ENTREP2: variants seen among roughly 807,000 people sequenced by gnomAD.
ENTREP2 encodes the protein protein ENTREP2.
chr15:29,383,210 G>A, the ENTREP2 span, among the ~76,000 whole-genome samples: 1 of 152,078 alleles, frequency 6.6e-6, no homozygotes, highest in Admixed American at 6.6e-5. Context: ...GCTTTGCCAT[G>A]GCCACGGCAT....
chr15:29,327,594 C>CAA, the ENTREP2 span, among the ~76,000 whole-genome samples: 1,909 of 92,336 alleles, frequency 0.021, 49 homozygotes, highest in African/African-American at 0.059. Context: ...GACCCCATCT[C>CAA]AAAAAAAAAA....
the ENTREP2 span, among the ~76,000 whole-genome samples, chr15:29,311,729 C>T: frequency 6.6e-6 from 1 of 152,080 alleles, no homozygotes; most frequent in Non-Finnish European, 1.5e-5. Context: ...GGAAGAAAAT[C>T]CACTCAACAT....
At chr15:29,307,303 CT>C in the ENTREP2 span, among the ~76,000 whole-genome samples, 1 of 149,448 alleles carries the variant, frequency 6.7e-6, no homozygotes, top group East Asian at 2.0e-4. Flanking sequence ...AAAAAAAAAC[CT>C]GAAGTCAAAA....
At chr15:29,126,196 T>C in the ENTREP2 span, 6 of 1,219,056 alleles carry the variant, frequency 4.9e-6, no homozygotes, top group Non-Finnish European at 6.7e-6. Context: ...CTCTCAGGGG[T>C]CACTGAGACC....
chr15:29,268,692 G>A, the ENTREP2 span: 3 of 1,246,366 alleles, frequency 2.4e-6, no homozygotes, highest in Non-Finnish European at 3.3e-6. Flanking sequence ...AGCGTTTACA[G>A]CAATATGCTC....
At chr15:29,520,702 G>C in the ENTREP2 span, among the ~76,000 whole-genome samples, 1,776 of 152,264 alleles carry the variant, frequency 0.012, 30 homozygotes, top group African/African-American at 0.041. Context: ...ACTAATAAGT[G>C]AGTTTAGGTT....
At chr15:29,400,700 A>C in the ENTREP2 span, among the ~76,000 whole-genome samples, 3 of 152,246 alleles carry the variant, frequency 2.0e-5, no homozygotes, top group African/African-American at 7.2e-5. Flanking sequence ...CAATTTTAAG[A>C]CATAATAGAA....
chr15:29,361,005 C>T, the ENTREP2 span, among the ~76,000 whole-genome samples: 1 of 152,192 alleles, frequency 6.6e-6, no homozygotes, highest in Non-Finnish European at 1.5e-5. Context: ...TCTCCCAAAA[C>T]TTTCTACAGC....
chr15:29,503,270 GT>G, the ENTREP2 span, among the ~76,000 whole-genome samples: 9 of 152,248 alleles, frequency 5.9e-5, no homozygotes, highest in African/African-American at 2.2e-4. Flanking sequence ...CAAAAAGGAA[GT>G]GCTATTGCAT....
the ENTREP2 span, among the ~76,000 whole-genome samples, chr15:29,525,432 C>T: frequency 6.6e-6 from 1 of 152,198 alleles, no homozygotes. Context: ...TAGATGCTCA[C>T]AAAATAGACG....
chr15:29,207,193 G>A, the ENTREP2 span, among the ~76,000 whole-genome samples: 6 of 151,986 alleles, frequency 3.9e-5, no homozygotes, highest in South Asian at 2.1e-4. Context: ...GGACAAAGCC[G>A]GCCCATTATT....
At chr15:29,600,078 G>A in the ENTREP2 span, among the ~76,000 whole-genome samples, 96 of 152,338 alleles carry the variant, frequency 6.3e-4, 1 homozygote, top group South Asian at 5.6e-3. Flanking sequence ...GGTGAGGGTA[G>A]CCTCTATACG....
At chr15:29,129,460 G>A in the ENTREP2 span, among the ~76,000 whole-genome samples, 3 of 152,206 alleles carry the variant, frequency 2.0e-5, no homozygotes, top group South Asian at 6.2e-4. Context: ...GAGCTTTTGT[G>A]GCTTTCGATT....
chr15:29,343,573 G>GCTCT, the ENTREP2 span, among the ~76,000 whole-genome samples: 722 of 150,530 alleles, frequency 4.8e-3, 1 homozygote, highest in Non-Finnish European at 7.8e-3. Context: ...AAAACCAGGC[G>GCTCT]CTCTCTCTCT....
chr15:29,654,963 T>C, the ENTREP2 span, among the ~76,000 whole-genome samples: 2 of 152,332 alleles, frequency 1.3e-5, no homozygotes, highest in East Asian at 1.9e-4. Context: ...AGGGGTACTT[T>C]GTATCTATTA....
chr15:29,554,130 T>C, the ENTREP2 span, among the ~76,000 whole-genome samples: 13 of 151,906 alleles, frequency 8.6e-5, no homozygotes, highest in Non-Finnish European at 1.6e-4. Context: ...CTGATCAACA[T>C]GTTGAAACCC....
At chr15:29,123,655 G>A in the ENTREP2 span, 2 of 1,545,354 alleles carry the variant, frequency 1.3e-6, no homozygotes, top group South Asian at 1.2e-5. Flanking sequence ...AGACATGGAA[G>A]CTAAAAATCA....
chr15:29,640,802 G>C, the ENTREP2 span, among the ~76,000 whole-genome samples: 2 of 152,108 alleles, frequency 1.3e-5, no homozygotes, highest in Non-Finnish European at 2.9e-5. Context: ...AAATACAACA[G>C]AAGCCAACAC....
chr15:29,450,475 T>C, the ENTREP2 span, among the ~76,000 whole-genome samples: 2 of 152,204 alleles, frequency 1.3e-5, no homozygotes, highest in Admixed American at 6.5e-5. Flanking sequence ...GCACCATTTA[T>C]TGAATAGGGA....
Sources: gnomAD v4.1 joint callset for allele counts (sites outside exome capture counted in the v4.1 genomes callset) on GRCh38, gnomAD v4.1.1 for gene constraint, MANE v1.5 for transcripts, NCBI Gene and HGNC (gene_info 2026-07-23, HGNC 2026-07-21) for gene names.